Variants in DLGAP1 observed in about 807,000 individuals in gnomAD.
The protein encoded by DLGAP1 is disks large-associated protein 1.
A neutral mutation model predicts 90.8 loss-of-function variants in DLGAP1; 11 were observed. The observed-to-expected ratio is 0.12, with a 90% CI of 0.08 to 0.20. The LOEUF is 0.20. Ranked by LOEUF, DLGAP1 falls within the 10% of genes least tolerant of loss-of-function variation. The probability of loss-of-function intolerance (pLI) is 1.00; values close to 1 mark genes in which losing one functional copy is unlikely to be tolerated. For synonymous variants in DLGAP1, 558 were observed against 540.7 expected, an observed-to-expected ratio of 1.03 and a Z score of -0.44; for missense variants, 1,050 against 1,333.8, an observed-to-expected ratio of 0.79 and a Z score of 3.31.
In DLGAP1 at chr18:4,394,532, G is replaced by GA. The variant is rs539543328; in HGVS notation, c.-267+60473dup. On this transcript the variant is annotated intron_variant, in intron 1 of 12. Transcript: ENST00000315677. ...GATTCCTTTGGAGAAGAATTTGGGG[G>GA]AAAAAATCCCCAAAATAGAATGCCT... 6.3e-4 allele frequency among the ~76,000 whole-genome samples: 96 copies of GA among 152,138 alleles called. 2 individuals are homozygous for GA. The South Asian group carries it at 0.015, about 23-fold the overall frequency.
At chr18:4,218,156 G>C (rs1207231399) in intron 1 of DLGAP1, among the ~76,000 whole-genome samples, 1 of 145,742 alleles carries the variant, frequency 6.9e-6, no homozygotes, top group Non-Finnish European at 1.5e-5. Context: ...TGAAAAGTCT[G>C]TCCTTTCTTC....
chr18:3,539,491 CT>C (rs770359945), intron 9 of DLGAP1, among the ~76,000 whole-genome samples: 5 of 152,204 alleles, frequency 3.3e-5, no homozygotes, highest in Non-Finnish European at 7.3e-5. Context: ...ACACAATACT[CT>C]GTCTGTTCTG....
intron 5 of DLGAP1, among the ~76,000 whole-genome samples, chr18:3,765,170 C>T (rs1236978182): frequency 4.4e-5 from 6 of 135,602 alleles, no homozygotes; most frequent in African/African-American, 1.8e-4. Flanking sequence ...CTCTGTTGCC[C>T]AGGCTGGAGT....
intron 7 of DLGAP1, among the ~76,000 whole-genome samples, chr18:3,668,564 C>A (rs1386832643): frequency 6.8e-6 from 1 of 146,318 alleles, no homozygotes; most frequent in Admixed American, 7.7e-5. Flanking sequence ...TCCGTACCTT[C>A]TTCTGTGCCT....
At chr18:3,629,515 C>T (rs1744684836) in intron 7 of DLGAP1, among the ~76,000 whole-genome samples, 1 of 151,684 alleles carries the variant, frequency 6.6e-6, no homozygotes, top group African/African-American at 2.4e-5. Context: ...ACTAAAAATA[C>T]AAAAAAATTA....
intron 8 of DLGAP1, among the ~76,000 whole-genome samples, chr18:3,576,829 G>A (rs1332787498): frequency 6.7e-6 from 1 of 150,038 alleles, no homozygotes; most frequent in African/African-American, 2.5e-5. Flanking sequence ...GCCTCCCAAA[G>A]TGCTGGGATT....
chr18:3,770,175 A>C (rs1359684107), intron 5 of DLGAP1: 1 of 152,196 alleles, frequency 6.6e-6, no homozygotes, highest in Non-Finnish European at 1.5e-5. Context: ...GAATGTACTC[A>C]TGGGTGGACT....
At chr18:4,067,717 T>C (rs1268847216) in intron 2 of DLGAP1, among the ~76,000 whole-genome samples, 1 of 151,990 alleles carries the variant, frequency 6.6e-6, no homozygotes, top group Non-Finnish European at 1.5e-5. Context: ...TGATTCCAGG[T>C]CTTTAGATAA....
chr18:3,872,225 CAAAAA>C (rs5822772), intron 4 of DLGAP1, among the ~76,000 whole-genome samples: 1,674 of 87,138 alleles, frequency 0.019, 11 homozygotes, highest in Middle Eastern at 0.075. Flanking sequence ...CTCTCCAAGA[CAAAAA>C]AAAAAAAAAA....
At chr18:4,035,494 G>A (rs1022814532) in intron 2 of DLGAP1, among the ~76,000 whole-genome samples, 7 of 152,118 alleles carry the variant, frequency 4.6e-5, no homozygotes, top group Non-Finnish European at 1.0e-4. Context: ...GGCTACTGAT[G>A]AGAAAAAAGG....
intron 2 of DLGAP1, among the ~76,000 whole-genome samples, chr18:4,029,462 A>G (rs1398873681): frequency 6.6e-6 from 1 of 152,154 alleles, no homozygotes; most frequent in African/African-American, 2.4e-5. Flanking sequence ...CTTCCCACCA[A>G]GGGTTCCCTT....
chr18:4,375,838 A>C (rs117963149), intron 1 of DLGAP1, among the ~76,000 whole-genome samples: 88 of 152,290 alleles, frequency 5.8e-4, no homozygotes, highest in Non-Finnish European at 1.0e-3. Context: ...AACAGAGTAC[A>C]TCCTTATTTC....
Position 3,977,434 on chromosome 18 carries a change from G to GTGTTTTTTTTTTTTTTTTTTTTTTTT in DLGAP1, c.-73+27681_-73+27682insAAAAAAAAAAAAAAAAAAAAAAAACA, listed in dbSNP as rs1555718019. Among the ~76,000 whole-genome samples, 9 of 95,332 alleles carry GTGTTTTTTTTTTTTTTTTTTTTTTTT rather than the reference G, an allele frequency of 9.4e-5. 1 individual carries two copies. Among genetic ancestry groups the GTGTTTTTTTTTTTTTTTTTTTTTTTT allele is most frequent in the African/African-American group, 3.8e-4 (9 of 23,944 alleles). 62.5% of individuals were successfully genotyped at this position (95,332 alleles called of 152,430 possible). On this transcript the variant is annotated intron_variant, in intron 3 of 12. Coordinates refer to ENST00000315677, the MANE Select transcript of DLGAP1 (RefSeq NM_004746.4). Reference sequence around the variant, plus strand: ...AGTTAATGAATTATGTTTATTCTGTGTTTTTTTTTTTTTTTTTTTTGCTGA... The same window carrying GTGTTTTTTTTTTTTTTTTTTTTTTTT: ...AGTTAATGAATTATGTTTATTCTGTGTGTTTTTTTTTTTTTTTTTTTTTTTTTTTTTTTTTTTTTTTTTTTTGCTGA...
intron 1 of DLGAP1, among the ~76,000 whole-genome samples, chr18:4,183,439 A>G (rs533458925): frequency 2.6e-5 from 4 of 152,158 alleles, no homozygotes; most frequent in African/African-American, 7.2e-5. Context: ...ATTTCTCTCT[A>G]TATATGTCTA....
At chr18:4,410,703 T>TAA (rs1491575724) in intron 1 of DLGAP1, among the ~76,000 whole-genome samples, 6 of 144,364 alleles carry the variant, frequency 4.2e-5, no homozygotes, top group African/African-American at 1.5e-4. Flanking sequence ...TATATATATA[T>TAA]AATCAAAAGA....
chr18:4,000,762 T>C (rs1269751868), intron 3 of DLGAP1, among the ~76,000 whole-genome samples: 2 of 152,256 alleles, frequency 1.3e-5, no homozygotes, highest in Non-Finnish European at 2.9e-5. Context: ...AAAGCATTGC[T>C]GTCAAAAAGT....
chr18:3,996,630 GAT>G (rs1037526636), intron 3 of DLGAP1, among the ~76,000 whole-genome samples: 3 of 151,808 alleles, frequency 2.0e-5, no homozygotes, highest in Non-Finnish European at 4.4e-5. Context: ...TTTATATTTA[GAT>G]ATGTCAAACA....
chr18:3,502,685 A>G, intron 11 of DLGAP1, 40 bp from the exon 12 acceptor site: 2 of 1,584,074 alleles, frequency 1.3e-6, no homozygotes, highest in Non-Finnish European at 1.7e-6. Flanking sequence ...TTTAGAAGCA[A>G]TTCTTGACAA....
chr18:4,255,980 G>A (rs2078880375), intron 1 of DLGAP1, among the ~76,000 whole-genome samples: 1 of 152,138 alleles, frequency 6.6e-6, no homozygotes, highest in Admixed American at 6.5e-5. Context: ...TAATACTTAT[G>A]TGTAAGAACA....
Sources: allele counts gnomAD v4.1 joint callset (sites outside exome capture counted in the v4.1 genomes callset), GRCh38; gene constraint gnomAD v4.1.1; transcripts MANE v1.5; gene names NCBI Gene and HGNC (gene_info 2026-07-23, HGNC 2026-07-21).